PITPNB: variants seen among roughly 807,000 people sequenced by gnomAD.
PITPNB encodes phosphatidylinositol transfer protein beta, also known as phosphatidylinositol transfer protein beta isoform.
In PITPNB, 16 loss-of-function variants were observed where a neutral mutation model predicts 45.9. That is an observed-to-expected ratio of 0.35 (90% CI 0.24 to 0.53). The LOEUF (loss-of-function observed/expected upper bound fraction) is 0.53. Ranked by LOEUF, PITPNB falls within the 20% of genes least tolerant of loss-of-function variation. The probability of loss-of-function intolerance (pLI) is 0.93; values close to 1 mark genes in which losing one functional copy is unlikely to be tolerated. For missense variants in PITPNB, 188 were observed against 330.5 expected, an observed-to-expected ratio of 0.57 and a Z score of 3.34; for synonymous variants, 112 against 108.9, an observed-to-expected ratio of 1.03 and a Z score of -0.18.
intron 8 of PITPNB, among the ~76,000 whole-genome samples, chr22:27,866,781 G>A (rs1389950944): frequency 6.6e-6 from 1 of 152,168 alleles, no homozygotes; most frequent in African/African-American, 2.4e-5. Flanking sequence ...TTTAGGCAAT[G>A]TGAATGCTTA....
chr22:27,867,193 G>C (rs757690641), intron 8 of PITPNB, among the ~76,000 whole-genome samples: 13 of 152,024 alleles, frequency 8.6e-5, no homozygotes, highest in Non-Finnish European at 1.8e-4. Context: ...CCCATATCAA[G>C]GTAAGTCAGA....
Position 27,854,842 on chromosome 22 carries a change from G to C in PITPNB, c.*38+12C>G, listed in dbSNP as rs1934125968. On this transcript the variant is annotated intron_variant, in intron 11 of 11. Coordinates refer to ENST00000335272, the MANE Select transcript of PITPNB (RefSeq NM_012399.5). ...GGTTTCGAAACATCTTTTTACCCAG[G>C]TCTTCACTTACACAGTTTGACATTG... 6.4e-7 allele frequency: 1 copy of C among 1,560,018 alleles called. No homozygotes were observed. Among genetic ancestry groups the C allele is most frequent in the Non-Finnish European group, 8.8e-7 (1 of 1,133,270 alleles).
chr22:27,862,737 T>C (rs981716765), intron 8 of PITPNB, among the ~76,000 whole-genome samples: 4 of 152,232 alleles, frequency 2.6e-5, no homozygotes, highest in African/African-American at 9.6e-5. Flanking sequence ...TACCCTTTAC[T>C]CTGTGCTAGG....
In PITPNB at chr22:27,914,238, C is replaced by T. The variant is rs904033174; in HGVS notation, c.51+79G>A. Reference sequence around the variant, plus strand: ...GGAATGAAAAGGTAAATCAATACTACGAAAATGTGAGTTTAGAGTAACATA... The same window carrying T: ...GGAATGAAAAGGTAAATCAATACTATGAAAATGTGAGTTTAGAGTAACATA... On this transcript the variant is annotated intron_variant, in intron 2 of 11. Transcript: ENST00000335272. 2.3e-5 allele frequency: 20 copies of T among 860,676 alleles called. No individual in the cohort carries two copies. The East Asian group carries it at 4.2e-4, about 18-fold the overall frequency. 53.3% of individuals were successfully genotyped at this position (860,676 alleles called of 1,614,324 possible).
intron 1 of PITPNB, among the ~76,000 whole-genome samples, chr22:27,918,065 G>A (rs1936136190): frequency 6.6e-6 from 1 of 152,180 alleles, no homozygotes; most frequent in African/African-American, 2.4e-5. Context: ...AGCTTGCGAA[G>A]ATGGAATGGG....
chr22:27,903,791 A>C (rs1935680317), intron 3 of PITPNB, among the ~76,000 whole-genome samples: 1 of 151,726 alleles, frequency 6.6e-6, no homozygotes, highest in Admixed American at 6.6e-5. Flanking sequence ...AAAAAAAAAA[A>C]AAAAAACTAA....
chr22:27,870,645 T>G (rs1046686592), intron 8 of PITPNB, among the ~76,000 whole-genome samples: 1 of 152,218 alleles, frequency 6.6e-6, no homozygotes, highest in Non-Finnish European at 1.5e-5. Flanking sequence ...TCCTTGCATT[T>G]CAGAAGTATA....
chr22:27,883,439 G>A (rs1935030036), intron 7 of PITPNB, among the ~76,000 whole-genome samples: 2 of 152,230 alleles, frequency 1.3e-5, no homozygotes, highest in Non-Finnish European at 2.9e-5. Flanking sequence ...TCCTAGAAGG[G>A]TGCCTATGCT....
At chr22:27,890,893 T>C (rs1361176145) in intron 7 of PITPNB, among the ~76,000 whole-genome samples, 1 of 152,106 alleles carries the variant, frequency 6.6e-6, no homozygotes, top group African/African-American at 2.4e-5. Flanking sequence ...TATTCAGCCA[T>C]AGAAAGGAAT....
At chr22:27,894,751 C>T in intron 6 of PITPNB, 113 bp from the exon 7 acceptor site, 1 of 532,350 alleles carries the variant, frequency 1.9e-6, no homozygotes, top group Non-Finnish European at 3.3e-6. Flanking sequence ...AATTAAAAGA[C>T]CCAAATTATT....
chr22:27,918,963 G>A (rs901452937), intron 1 of PITPNB: 36 of 747,664 alleles, frequency 4.8e-5, no homozygotes, highest in Non-Finnish European at 6.5e-5. Flanking sequence ...CCGGGGAAGG[G>A]AGAGGGCGTG....
At chr22:27,857,471 T>C (rs1934205538) in intron 10 of PITPNB, among the ~76,000 whole-genome samples, 1 of 152,208 alleles carries the variant, frequency 6.6e-6, no homozygotes, top group Non-Finnish European at 1.5e-5. Flanking sequence ...ATAGGTTTCC[T>C]TTTGTGCCAA....
intron 7 of PITPNB, among the ~76,000 whole-genome samples, chr22:27,887,844 G>A (rs1208031669): frequency 6.6e-6 from 1 of 152,120 alleles, no homozygotes; most frequent in Admixed American, 6.5e-5. Context: ...TGTGGCAAAG[G>A]TAATGGGAGG....
chr22:27,918,162 G>C (rs535451334), intron 1 of PITPNB, among the ~76,000 whole-genome samples: 1 of 152,266 alleles, frequency 6.6e-6, no homozygotes, highest in Admixed American at 6.5e-5. Context: ...TTTTATTCTG[G>C]GTGAGACAGG....
At chr22:27,893,582 C>CTTTTTTTTTT (rs745878388) in intron 7 of PITPNB, among the ~76,000 whole-genome samples, 2 of 74,032 alleles carry the variant, frequency 2.7e-5, no homozygotes, top group Non-Finnish European at 4.9e-5. Context: ...CATGTCTAGC[C>CTTTTTTTTTT]TTTTTTTTTT....
intron 7 of PITPNB, among the ~76,000 whole-genome samples, chr22:27,880,465 C>A (rs1209455600): frequency 1.3e-5 from 2 of 152,146 alleles, no homozygotes; most frequent in Non-Finnish European, 2.9e-5. Flanking sequence ...TTTTATCCCC[C>A]ACCCAAGGAA....
intron 7 of PITPNB, 77 bp from the exon 8 acceptor site, chr22:27,873,892 C>T: frequency 1.1e-6 from 1 of 905,434 alleles, no homozygotes. Flanking sequence ...TAGCTCTTCG[C>T]AGCTACCAAA....
At chr22:27,892,004 AATGT>A (rs1341296327) in intron 7 of PITPNB, among the ~76,000 whole-genome samples, 1 of 152,142 alleles carries the variant, frequency 6.6e-6, no homozygotes, top group Non-Finnish European at 1.5e-5. Context: ...CTAGTTTTAG[AATGT>A]ATGTTTTTAG....
At chr22:27,913,059 A>G (rs1392083540) in intron 2 of PITPNB, among the ~76,000 whole-genome samples, 2 of 151,966 alleles carry the variant, frequency 1.3e-5, no homozygotes, top group Non-Finnish European at 2.9e-5. Flanking sequence ...TGACAATACC[A>G]AGACTCAAAA....
Sources: gnomAD v4.1 joint callset for allele counts (sites outside exome capture counted in the v4.1 genomes callset) on GRCh38, gnomAD v4.1.1 for gene constraint, MANE v1.5 for transcripts, NCBI Gene and HGNC (gene_info 2026-07-23, HGNC 2026-07-21) for gene names.